Variants in ANO6 observed in about 807,000 individuals in gnomAD.
ANO6 encodes the protein anoctamin-6.
In ANO6, 106 loss-of-function variants were observed where a neutral mutation model predicts 117.5. The ratio of observed to expected loss-of-function variants is 0.90; its 90% CI spans 0.77 to 1.06. The LOEUF (loss-of-function observed/expected upper bound fraction) is 1.06, where lower values mean the gene tolerates loss of function less well. Among genes scored for constraint, ANO6 ranks in the 50% least tolerant of loss-of-function variants. ANO6 has a pLI of 0.00. For missense variants in ANO6, 955 were observed against 1,121.1 expected (o/e 0.85, Z 2.12); for synonymous variants, 367 against 385.1 (o/e 0.95, Z 0.55).
At chr12:45,414,926 G>C (rs916039415) in intron 16 of ANO6, among the ~76,000 whole-genome samples, 7 of 152,090 alleles carry the variant, frequency 4.6e-5, no homozygotes, top group Admixed American at 1.3e-4. Context: ...ACCATGCCCA[G>C]CTAATTTTTG....
intron 1 of ANO6, among the ~76,000 whole-genome samples, chr12:45,301,627 A>G (rs1051947594): frequency 3.3e-5 from 5 of 151,856 alleles, no homozygotes; most frequent in African/African-American, 4.8e-5. Context: ...AAAAAAAAAA[A>G]AAAAAGAAAA....
Position 45,429,162 on chromosome 12 carries a change from C to T in ANO6, c.2584C>T (p.Arg862Cys), listed in dbSNP as rs200345206. Residue 862 changes from arginine (R) to cysteine (C), a missense_variant, in exon 20 of 20, where the codon CGC becomes TGC. Coordinates refer to ENST00000320560, the MANE Select transcript of ANO6 (RefSeq NM_001025356.3). ...ISYAIPDVSK[R>C]TKSKIQREKY... The stretch of plus-strand genomic sequence containing the variant: ...ATATGCAATTCCCGATGTATCAAAA[C>T]GCACAAAGAGCAAGATCCAGAGAGA... 9.4e-5 allele frequency: 152 copies of T among 1,613,810 alleles called. No individual in the cohort carries two copies. Among genetic ancestry groups the T allele is most frequent in the South Asian group, 2.2e-4 (20 of 91,064 alleles).
At chr12:45,334,191 GT>G (rs1457430157) in intron 3 of ANO6, among the ~76,000 whole-genome samples, 9 of 152,088 alleles carry the variant, frequency 5.9e-5, no homozygotes, top group Non-Finnish European at 1.3e-4. Context: ...ATGATTGTAA[GT>G]TGCTTCAGCA....
chr12:45,280,864 G>GTT (rs1312447131), intron 1 of ANO6, among the ~76,000 whole-genome samples: 3 of 85,686 alleles, frequency 3.5e-5, no homozygotes, highest in African/African-American at 9.0e-5. Flanking sequence ...TCATATATGT[G>GTT]TTTTTATATA....
chr12:45,260,329 A>G (rs576185989), intron 1 of ANO6, among the ~76,000 whole-genome samples: 2 of 152,332 alleles, frequency 1.3e-5, no homozygotes, highest in South Asian at 4.1e-4. Flanking sequence ...CTAATCAAGG[A>G]AGGAAGCAGG....
chr12:45,377,353 C>T (rs1942055920), intron 9 of ANO6, among the ~76,000 whole-genome samples: 1 of 151,996 alleles, frequency 6.6e-6, no homozygotes, highest in Non-Finnish European at 1.5e-5. Context: ...TATATAATAG[C>T]AAAAGGATAA....
intron 1 of ANO6, among the ~76,000 whole-genome samples, chr12:45,219,854 C>G (rs1947370066): frequency 6.6e-6 from 1 of 152,164 alleles, no homozygotes; most frequent in Admixed American, 6.5e-5. Flanking sequence ...AGCCAACAAC[C>G]AACCACTGAA....
At position 45,263,395 on chromosome 12, in the gene ANO6, A is replaced by T. The variant is rs183225064; in HGVS notation, c.71-38619A>T. The stretch of plus-strand genomic sequence containing the variant: ...TTTTTTTTTTTTTTTTTTTTCCTGG[A>T]GAGATGGGATCTCATTTTGTTGCCT... On this transcript the variant is annotated intron_variant, in intron 1 of 19. Transcript: ENST00000320560. Among the ~76,000 whole-genome samples, 860 of 90,646 alleles carry T rather than the reference A, an allele frequency of 9.5e-3. 16 individuals are homozygous for T. The highest frequency in any genetic ancestry group is 0.032 in the African/African-American group (817 of 25,548). 59.5% of individuals were successfully genotyped at this position (90,646 alleles called of 152,430 possible). A position where few individuals can be genotyped will look rare whatever the true frequency, so the allele number is the denominator to read the frequency against.
At chr12:45,275,186 G>C (rs1938514714) in intron 1 of ANO6, among the ~76,000 whole-genome samples, 3 of 151,854 alleles carry the variant, frequency 2.0e-5, no homozygotes, top group Admixed American at 2.0e-4. Flanking sequence ...CTCTTACCCT[G>C]TTTCTCTGTC....
chr12:45,425,144 AC>A (rs1943469425), intron 19 of ANO6, among the ~76,000 whole-genome samples: 1 of 147,976 alleles, frequency 6.8e-6, no homozygotes, highest in Admixed American at 6.7e-5. Context: ...ACTAAATGGA[AC>A]TTCTAGAAAT....
At chr12:45,300,464 TATC>T (rs1223823444) in intron 1 of ANO6, among the ~76,000 whole-genome samples, 2 of 152,228 alleles carry the variant, frequency 1.3e-5, no homozygotes, top group Non-Finnish European at 2.9e-5. Flanking sequence ...AAGTGTGAGT[TATC>T]ATGCCCAGCC....
At chr12:45,397,316 A>T (rs1304192948) in intron 12 of ANO6, among the ~76,000 whole-genome samples, 1 of 152,202 alleles carries the variant, frequency 6.6e-6, no homozygotes, top group African/African-American at 2.4e-5. Flanking sequence ...TAGAATGGTG[A>T]TCATTAAAAA....
chr12:45,254,752 T>G (rs1937750692), intron 1 of ANO6, among the ~76,000 whole-genome samples: 1 of 152,214 alleles, frequency 6.6e-6, no homozygotes, highest in Admixed American at 6.5e-5. Flanking sequence ...GAATTACAGA[T>G]ATGTAAGATT....
intron 7 of ANO6, among the ~76,000 whole-genome samples, chr12:45,353,218 A>G (rs1436977380): frequency 6.6e-6 from 1 of 152,164 alleles, no homozygotes; most frequent in Non-Finnish European, 1.5e-5. Context: ...AAGAGATTTC[A>G]TTATTTTATA....
chr12:45,395,179 A>C (rs1191885159), intron 12 of ANO6, among the ~76,000 whole-genome samples: 1 of 152,216 alleles, frequency 6.6e-6, no homozygotes, highest in Non-Finnish European at 1.5e-5. Flanking sequence ...ATCCCATAGA[A>C]ATACAAACTA....
intron 10 of ANO6, among the ~76,000 whole-genome samples, chr12:45,382,787 A>ATACTT (rs1404980990): frequency 6.6e-6 from 1 of 152,240 alleles, no homozygotes; most frequent in East Asian, 1.9e-4. Context: ...TAATTAAAAA[A>ATACTT]TACTTTATTA....
intron 3 of ANO6, among the ~76,000 whole-genome samples, chr12:45,340,442 C>T (rs778730412): frequency 1.8e-4 from 28 of 152,104 alleles, no homozygotes; most frequent in Non-Finnish European, 3.5e-4. Flanking sequence ...TGTGGTTGCA[C>T]TGCAAATGAA....
chr12:45,378,419 A>G (rs1942085674), intron 10 of ANO6, among the ~76,000 whole-genome samples: 1 of 152,070 alleles, frequency 6.6e-6, no homozygotes, highest in Admixed American at 6.6e-5. Flanking sequence ...TGGCAGCTCC[A>G]CTGGGGATAG....
Position 45,429,440 on chromosome 12 carries a change from G to T in ANO6, c.*129G>T. 1 of 1,498,386 alleles carries T rather than the reference G, an allele frequency of 6.7e-7. No individual in the cohort carries two copies. Among genetic ancestry groups the T allele is most frequent in the Non-Finnish European group, 8.9e-7 (1 of 1,129,516 alleles). 92.8% of individuals were successfully genotyped at this position (1,498,386 alleles called of 1,614,324 possible). On this transcript the variant is annotated 3_prime_UTR_variant, in exon 20 of 20. Coordinates refer to ENST00000320560, the MANE Select transcript of ANO6 (RefSeq NM_001025356.3). ...GTCTCAACTATTGCCATTTCCTCAT[G>T]TATTATTTTTCAGTTTCAGCTAGCG...
Sources: gnomAD v4.1 joint callset for allele counts (sites outside exome capture counted in the v4.1 genomes callset) on GRCh38, gnomAD v4.1.1 for gene constraint, MANE v1.5 for transcripts, NCBI Gene and HGNC (gene_info 2026-07-23, HGNC 2026-07-21) for gene names.